Variants in CNTN5 observed in about 807,000 individuals in gnomAD.
CNTN5 encodes contactin 5.
A neutral mutation model predicts 129.1 loss-of-function variants in CNTN5; 77 were observed. That is an observed-to-expected ratio of 0.60 (90% CI 0.50 to 0.72). The LOEUF is 0.72. CNTN5 is among the 30% of genes least tolerant of loss of function. CNTN5 has a pLI of 0.00. For synonymous variants in CNTN5, 509 were observed against 465.6 expected (o/e 1.09, Z -1.20); for missense variants, 1,478 against 1,328.8 (o/e 1.11, Z -1.75).
intron 2 of CNTN5, among the ~76,000 whole-genome samples, chr11:99,517,638 A>C (rs1290070756): frequency 6.6e-6 from 1 of 152,030 alleles, no homozygotes; most frequent in Non-Finnish European, 1.5e-5. Context: ...ACTTGAGCTC[A>C]CCACGCCCCA....
intron 13 of CNTN5, among the ~76,000 whole-genome samples, chr11:100,137,750 C>A (rs1946572454): frequency 6.6e-6 from 1 of 151,942 alleles, no homozygotes; most frequent in African/African-American, 2.4e-5. Context: ...ATGGAAAATG[C>A]AATTAGGATA....
At chr11:100,227,867 G>C (rs1175979297) in intron 16 of CNTN5, among the ~76,000 whole-genome samples, 1 of 152,146 alleles carries the variant, frequency 6.6e-6, no homozygotes, top group Non-Finnish European at 1.5e-5. Flanking sequence ...AGATATGTAA[G>C]AGATAATCTC....
At chr11:100,008,192 C>G (rs1041823629) in intron 9 of CNTN5, among the ~76,000 whole-genome samples, 3 of 151,900 alleles carry the variant, frequency 2.0e-5, no homozygotes, top group African/African-American at 7.2e-5. Context: ...TTGAGATGCT[C>G]CAAGAATTTC....
At chr11:99,733,717 G>C (rs1156994828) in intron 3 of CNTN5, among the ~76,000 whole-genome samples, 5 of 152,144 alleles carry the variant, frequency 3.3e-5, no homozygotes, top group Non-Finnish European at 7.3e-5. Context: ...GGGCGGTGAG[G>C]GGACAGAGGT....
At chr11:99,823,354 A>G (rs1346938227) in intron 4 of CNTN5, among the ~76,000 whole-genome samples, 1 of 152,154 alleles carries the variant, frequency 6.6e-6, no homozygotes, top group Non-Finnish European at 1.5e-5. Flanking sequence ...TTATCTCAAC[A>G]GGTTGGTATT....
intron 2 of CNTN5, among the ~76,000 whole-genome samples, chr11:99,384,851 A>G (rs773304251): frequency 9.2e-5 from 14 of 152,186 alleles, no homozygotes; most frequent in African/African-American, 2.9e-4. Context: ...GCTAATTACC[A>G]TATCTATCAC....
chr11:99,102,839 C>G (rs1169842475), intron 1 of CNTN5, among the ~76,000 whole-genome samples: 1 of 152,112 alleles, frequency 6.6e-6, no homozygotes, highest in African/African-American at 2.4e-5. Context: ...TTTCAGGTAT[C>G]TTTTGAGCAG....
At chr11:100,349,035 C>A (rs150534394) in intron 23 of CNTN5, among the ~76,000 whole-genome samples, 1 of 151,942 alleles carries the variant, frequency 6.6e-6, no homozygotes, top group African/African-American at 2.4e-5. Flanking sequence ...TACACTGAGG[C>A]TATAGCATCC....
At chr11:99,676,769 TAAATC>T (rs540033745) in intron 3 of CNTN5, among the ~76,000 whole-genome samples, 117 of 152,064 alleles carry the variant, frequency 7.7e-4, no homozygotes, top group African/African-American at 2.6e-3. Flanking sequence ...TGTGGAAAAA[TAAATC>T]TATACAACAA....
At chr11:99,521,592 CTTTGTAAATAAAG>C in intron 2 of CNTN5, among the ~76,000 whole-genome samples, 1 of 152,240 alleles carries the variant, frequency 6.6e-6, no homozygotes, top group Non-Finnish European at 1.5e-5. Flanking sequence ...AAAAAGGACA[CTTTGTAAATAAAG>C]TTTGCTTTAA....
At chr11:99,172,394 AAATT>A (rs1337757853) in intron 1 of CNTN5, among the ~76,000 whole-genome samples, 10 of 152,234 alleles carry the variant, frequency 6.6e-5, no homozygotes, top group Admixed American at 5.9e-4. Flanking sequence ...TCGTTTAATT[AAATT>A]AATCTTTTCC....
At chr11:99,560,583 G>A (rs751102308) in intron 3 of CNTN5, among the ~76,000 whole-genome samples, 18 of 152,064 alleles carry the variant, frequency 1.2e-4, no homozygotes, top group Non-Finnish European at 2.2e-4. Flanking sequence ...GAGCCACCGC[G>A]CCCAGCCTGT....
At position 99,071,272 on chromosome 11, in the gene CNTN5, T is replaced by C. The variant is rs566511968; in HGVS notation, c.-210+50002T>C. On this transcript the variant is annotated intron_variant, in intron 1 of 24. Coordinates refer to ENST00000524871, the MANE Select transcript of CNTN5 (RefSeq NM_014361.4). The stretch of plus-strand genomic sequence containing the variant: ...CTGTCTGGCTCCAAACAGAGGTTTT[T>C]TTTGTTTTGTTTTGTTTCCCTGTCA... 2.2e-4 allele frequency among the ~76,000 whole-genome samples: 34 copies of C among 152,280 alleles called. 1 individual carries two copies. In the South Asian group the frequency reaches 7.0e-3, roughly 32 times the overall value.
chr11:99,240,365 C>G (rs1161614953), intron 1 of CNTN5, among the ~76,000 whole-genome samples: 1 of 152,156 alleles, frequency 6.6e-6, no homozygotes, highest in Admixed American at 6.5e-5. Flanking sequence ...AGGATACCGG[C>G]TATATCTGTA....
chr11:99,788,414 C>T (rs186799495), intron 3 of CNTN5, among the ~76,000 whole-genome samples: 59 of 151,926 alleles, frequency 3.9e-4, no homozygotes, highest in African/African-American at 1.3e-3. Context: ...GGACTTATTT[C>T]GGTATATAAA....
At chr11:100,088,570 A>T (rs1175417474) in intron 13 of CNTN5, among the ~76,000 whole-genome samples, 1 of 152,086 alleles carries the variant, frequency 6.6e-6, no homozygotes, top group Non-Finnish European at 1.5e-5. Flanking sequence ...AACCAATCCC[A>T]CAGAAATACA....
At chr11:100,032,891 A>G (rs1179359352) in intron 9 of CNTN5, among the ~76,000 whole-genome samples, 1 of 152,172 alleles carries the variant, frequency 6.6e-6, no homozygotes, top group Non-Finnish European at 1.5e-5. Context: ...TTCCAGCTTC[A>G]GTTCCATTAT....
chr11:99,617,080 T>C (rs111711391), intron 3 of CNTN5, among the ~76,000 whole-genome samples: 10,563 of 152,250 alleles, frequency 0.069, 408 homozygotes, highest in East Asian at 0.11. Flanking sequence ...CATTGCACTC[T>C]AGCCTGGGCA....
intron 1 of CNTN5, among the ~76,000 whole-genome samples, chr11:99,324,690 T>C (rs1865707831): frequency 6.6e-6 from 1 of 152,166 alleles, no homozygotes; most frequent in Admixed American, 6.6e-5. Context: ...CTATCCTTAA[T>C]GGAGCTCCTA....
Sources: gnomAD v4.1 joint callset for allele counts (sites outside exome capture counted in the v4.1 genomes callset) on GRCh38, gnomAD v4.1.1 for gene constraint, MANE v1.5 for transcripts, NCBI Gene and HGNC (gene_info 2026-07-23, HGNC 2026-07-21) for gene names.